The following CHD1L variants were observed in gnomAD, a reference collection of about 807,000 sequenced individuals.
The protein encoded by CHD1L is chromodomain helicase DNA binding protein 1 like.
CHD1L carries 118 observed loss-of-function variants against 115.9 expected under a neutral mutation model. That is an observed-to-expected ratio of 1.02 (90% CI 0.88 to 1.19). CHD1L has a LOEUF of 1.19. CHD1L is among the 50% of genes most tolerant of loss of function. The pLI is 0.00. For missense variants in CHD1L, 1,179 were observed against 1,065.3 expected (o/e 1.11, Z -1.49); for synonymous variants, 411 against 387.1 (o/e 1.06, Z -0.72).
At chr1:147,269,929 A>G (rs1204014280) in intron 10 of CHD1L, among the ~76,000 whole-genome samples, 2 of 152,186 alleles carry the variant, frequency 1.3e-5, no homozygotes, top group Non-Finnish European at 2.9e-5. Context: ...ACTGTATTTC[A>G]TTGGTTCTCG....
the CHD1L span, chr1:147,179,766 A>G: frequency 8.1e-6 from 5 of 619,066 alleles, no homozygotes; most frequent in South Asian, 9.9e-5. Flanking sequence ...AATCCTGTTA[A>G]ATTTTCTCTA....
intron 15 of CHD1L, among the ~76,000 whole-genome samples, 162 bp downstream of exon 15, chr1:147,280,353 T>C (rs1553961143): frequency 6.6e-6 from 1 of 152,192 alleles, no homozygotes; most frequent in Non-Finnish European, 1.5e-5. Flanking sequence ...AAAAGAACGT[T>C]ACCCAAACTA....
chr1:147,187,554 G>A, the CHD1L span, among the ~76,000 whole-genome samples: 3 of 152,178 alleles, frequency 2.0e-5, no homozygotes, highest in Non-Finnish European at 1.5e-5. Flanking sequence ...CAGATAAGAT[G>A]AGGGGCAGGT....
chr1:147,217,115 C>T, the CHD1L span, among the ~76,000 whole-genome samples: 1 of 152,114 alleles, frequency 6.6e-6, no homozygotes, highest in South Asian at 2.1e-4. Flanking sequence ...TGGCGCATGC[C>T]TGTAATCCCA....
Position 147,268,855 on chromosome 1 carries a change from G to C in CHD1L, c.1062G>C (p.Lys354Asn). The C allele has an allele frequency of 6.2e-7, 1 of 1,613,458 alleles. No homozygotes were observed. The highest frequency in any genetic ancestry group is 8.5e-7 in the Non-Finnish European group (1 of 1,179,552). The stretch of plus-strand genomic sequence containing the variant: ...GTGGGAAGCTTCACCTGCTGGATAA[G>C]CTACTAGCATTCCTGTATTCTGGGT... ...EASGKLHLLD[K>N]LLAFLYSGGH... is the part of the protein sequence containing the mutation. Residue 354 changes from lysine (K) to asparagine (N), a missense_variant, in exon 10 of 23, where the codon AAG becomes AAC. Physicochemically the swap from Lys to Asn is moderately conservative, Grantham distance 94 (BLOSUM62 0). Transcript: ENST00000369258.
the CHD1L span, among the ~76,000 whole-genome samples, chr1:147,193,197 G>A: frequency 1.3e-5 from 2 of 152,078 alleles, no homozygotes; most frequent in Non-Finnish European, 2.9e-5. Context: ...GCCTGTTATT[G>A]GTCTATTCAG....
the CHD1L span, chr1:147,201,263 G>A: frequency 6.2e-7 from 1 of 1,613,994 alleles, no homozygotes; most frequent in Admixed American, 1.7e-5. Context: ...AGGTTAGGAG[G>A]GAAGACCTTT....
chr1:147,204,077 G>C, the CHD1L span: 15 of 1,127,252 alleles, frequency 1.3e-5, 1 homozygote, highest in South Asian at 1.8e-4. Context: ...ATTTGCACCA[G>C]TATCAGCAAT....
chr1:147,241,588 C>T (rs1000063445), upstream of CHD1L, among the ~76,000 whole-genome samples: 2 of 152,110 alleles, frequency 1.3e-5, no homozygotes, highest in Admixed American at 6.6e-5. Context: ...TTCACACGGA[C>T]GCGCATGAAA....
the CHD1L span, among the ~76,000 whole-genome samples, chr1:147,231,578 C>G: frequency 3.9e-5 from 6 of 152,192 alleles, no homozygotes; most frequent in Non-Finnish European, 7.4e-5. Context: ...TTTTGTGTCA[C>G]ATTGATCTGT....
Position 147,271,004 on chromosome 1 carries a change from A to T in CHD1L, c.1158A>T (p.Arg386Ser). Residue 386 changes from arginine (R) to serine (S), a missense_variant and splice_region_variant, in exon 11 of 23, where the codon AGA becomes AGT. Arg to Ser is a moderately radical substitution (Grantham distance 110, BLOSUM62 -1). Transcript: ENST00000369258. ...TTCTCCAAGACTATATGGATTACAGAGGTGACACCTTTTGGCCACTACATT... is the reference window on the plus strand; with the variant it reads ...TTCTCCAAGACTATATGGATTACAGTGGTGACACCTTTTGGCCACTACATT... ...LDILQDYMDY[R>S]GYSYERVDGS... The T allele has an allele frequency of 6.2e-7, 1 of 1,613,662 alleles. No homozygotes were observed. The highest frequency in any genetic ancestry group is 8.5e-7 in the Non-Finnish European group (1 of 1,179,618).
chr1:147,191,207 G>A, the CHD1L span, among the ~76,000 whole-genome samples: 1 of 152,128 alleles, frequency 6.6e-6, no homozygotes, highest in Non-Finnish European at 1.5e-5. Context: ...CCAGTAATGG[G>A]ATGGTTGGGT....
intron 9 of CHD1L, among the ~76,000 whole-genome samples, chr1:147,268,107 CT>C (rs1674664445): frequency 6.6e-6 from 1 of 152,238 alleles, no homozygotes; most frequent in Non-Finnish European, 1.5e-5. Flanking sequence ...GATATACTTT[CT>C]CTTCTCCATC....
At chr1:147,223,353 C>G in the CHD1L span, among the ~76,000 whole-genome samples, 1 of 152,152 alleles carries the variant, frequency 6.6e-6, no homozygotes, top group Admixed American at 6.6e-5. Flanking sequence ...AAATTAGTCC[C>G]CAAAACAGAG....
intron 12 of CHD1L, among the ~76,000 whole-genome samples, chr1:147,274,316 CATT>C (rs1181754561): frequency 2.8e-4 from 43 of 152,268 alleles, no homozygotes; most frequent in African/African-American, 9.9e-4. Flanking sequence ...GCGTAAGTGT[CATT>C]ATCATTATTA....
chr1:147,246,959 T>G (rs587607663), intron 1 of CHD1L, among the ~76,000 whole-genome samples: 1 of 152,282 alleles, frequency 6.6e-6, no homozygotes, highest in East Asian at 1.9e-4. Context: ...TACAGCTTCT[T>G]ATTTAAGTCC....
the CHD1L span, chr1:147,178,705 G>A: frequency 5.1e-6 from 8 of 1,575,554 alleles, no homozygotes; most frequent in South Asian, 1.1e-5. Context: ...CGAGTATGAT[G>A]ATAACGGAGA....
At chr1:147,194,765 GA>G in the CHD1L span, among the ~76,000 whole-genome samples, 2,768 of 151,834 alleles carry the variant, frequency 0.018, 93 homozygotes, top group African/African-American at 0.063. Flanking sequence ...CTTCACTTAT[GA>G]AGCTTAGTTT....
At position 147,291,433 on chromosome 1, in the gene CHD1L, A is replaced by G. The variant is rs999680551; in HGVS notation, c.2321-49A>G. 8 of 1,448,290 alleles carry G rather than the reference A, an allele frequency of 5.5e-6. No homozygotes were observed. In the East Asian group the frequency reaches 1.8e-4, roughly 33 times the overall value. The allele number at this position is 1,448,290 out of a possible 1,614,324, so 89.7% of individuals were successfully genotyped here. A position where few individuals can be genotyped will look rare whatever the true frequency, so the allele number is the denominator to read the frequency against. On this transcript the variant is annotated intron_variant, in intron 19 of 22. Transcript: ENST00000369258. ...GGCGAGATACGAGGAGGATTCATTC[A>G]TTAGTGAACTTGGTGTTCTTTATGT...
Sources: gnomAD v4.1 joint callset for allele counts (sites outside exome capture counted in the v4.1 genomes callset) on GRCh38, gnomAD v4.1.1 for gene constraint, MANE v1.5 for transcripts, NCBI Gene and HGNC (gene_info 2026-07-23, HGNC 2026-07-21) for gene names.